COL6A5: variants seen among roughly 807,000 people sequenced by gnomAD.
The protein encoded by COL6A5 is collagen type VI alpha 5 chain, also known as collagen alpha-5(VI) chain.
In COL6A5, 48 loss-of-function variants were observed where a neutral mutation model predicts 65.6. The observed-to-expected ratio is 0.73, with a 90% CI of 0.58 to 0.93. The LOEUF is 0.93. COL6A5 is among the 40% of genes least tolerant of loss of function. The pLI is 0.00. For synonymous variants in COL6A5, 291 were observed against 322.8 expected (o/e 0.90, Z 1.05); for missense variants, 914 against 928.3 (o/e 0.98, Z 0.20).
chr3:130,409,517 G>C, intron 18 of COL6A5, 129 bp downstream of exon 18: 1 of 722,882 alleles, frequency 1.4e-6, no homozygotes, highest in Non-Finnish European at 2.2e-6. Context: ...GATAGGTGTT[G>C]GCTGAGGCTT....
chr3:130,476,870 C>T (rs1710112962), intron 7 of COL6A5: 1 of 684,508 alleles, frequency 1.5e-6, no homozygotes, highest in Admixed American at 2.0e-5. Flanking sequence ...GTCTTTAATT[C>T]TTTTTCTCAC....
At chr3:130,349,941 A>G (rs1488820878) in intron 1 of COL6A5, among the ~76,000 whole-genome samples, 2 of 152,172 alleles carry the variant, frequency 1.3e-5, no homozygotes, top group African/African-American at 2.4e-5. Context: ...AGATTGTCTT[A>G]TGGTCCCAAG....
At chr3:130,474,680 G>A (rs1194944634) in intron 7 of COL6A5, among the ~76,000 whole-genome samples, 5 of 152,144 alleles carry the variant, frequency 3.3e-5, no homozygotes, top group Non-Finnish European at 7.4e-5. Context: ...TTCACTGGAT[G>A]AGCTTAATAG....
intron 10 of COL6A5, among the ~76,000 whole-genome samples, chr3:130,398,928 T>C (rs1245843234): frequency 1.3e-5 from 2 of 152,210 alleles, no homozygotes. Flanking sequence ...TCTTTCAGAT[T>C]CCAGTTCTAG....
intron 5 of COL6A5, among the ~76,000 whole-genome samples, chr3:130,387,483 A>C (rs1407651846): frequency 6.6e-6 from 1 of 152,112 alleles, no homozygotes; most frequent in East Asian, 1.9e-4. Context: ...ACAGTGGTCA[A>C]GGCCACTCTG....
chr3:130,398,400 G>A (rs1022174744), intron 10 of COL6A5, among the ~76,000 whole-genome samples: 1 of 152,138 alleles, frequency 6.6e-6, no homozygotes, highest in Non-Finnish European at 1.5e-5. Context: ...AAAGTGCTGG[G>A]ATTGCAGGCG....
chr3:130,425,181 T>C (rs1044973504), intron 29 of COL6A5, among the ~76,000 whole-genome samples: 3 of 152,180 alleles, frequency 2.0e-5, no homozygotes, highest in Non-Finnish European at 4.4e-5. Flanking sequence ...TGATTCGAAT[T>C]AGAAGGTTAA....
intron 4 of COL6A5, among the ~76,000 whole-genome samples, chr3:130,382,226 A>G (rs752912014): frequency 1.3e-5 from 2 of 152,072 alleles, no homozygotes. Context: ...AAACAAACAA[A>G]CAAACAACAA....
intron 1 of COL6A5, among the ~76,000 whole-genome samples, chr3:130,359,309 T>A (rs1490649755): frequency 6.6e-6 from 1 of 152,086 alleles, no homozygotes; most frequent in Non-Finnish European, 1.5e-5. Context: ...GTTTAACAAC[T>A]TGCTACCTAA....
intron 1 of COL6A5, among the ~76,000 whole-genome samples, chr3:130,369,693 T>C (rs924952026): frequency 4.6e-5 from 7 of 152,202 alleles, no homozygotes; most frequent in African/African-American, 1.7e-4. Context: ...GATTATTCAT[T>C]AGTCTATTAT....
chr3:130,443,240 C>A (rs1210424318), intron 3 of COL6A5, among the ~76,000 whole-genome samples: 4 of 152,132 alleles, frequency 2.6e-5, no homozygotes, highest in African/African-American at 4.8e-5. Flanking sequence ...CTTAGATGAA[C>A]AATTTGAGGA....
intron 1 of COL6A5, among the ~76,000 whole-genome samples, chr3:130,438,011 T>G (rs1010720431): frequency 5.9e-5 from 9 of 152,158 alleles, no homozygotes; most frequent in Non-Finnish European, 1.0e-4. Context: ...TTTTGTTTTG[T>G]TTTTGTGAGA....
At chr3:130,388,343 T>TATGCATGCATGCATGCATGC (rs71620080) in intron 5 of COL6A5, among the ~76,000 whole-genome samples, 4 of 151,232 alleles carry the variant, frequency 2.6e-5, no homozygotes, top group East Asian at 2.0e-4. Context: ...ATAAATGAGT[T>TATGCATGCATGCATGCATGC]ATGCATGCAT....
Position 130,395,780 on chromosome 3 carries a change from G to A in COL6A5, c.3568+315G>A, listed in dbSNP as rs540028359. 5.3e-5 allele frequency among the ~76,000 whole-genome samples: 8 copies of A among 152,230 alleles called. 1 individual carries two copies. The highest frequency in any genetic ancestry group is 3.4e-3 in the Middle Eastern group (1 of 294). On this transcript the variant is annotated intron_variant and NMD_transcript_variant, in intron 8 of 41. Coordinates refer to the COL6A5 transcript ENST00000312481. ...ACCTGGATCTCTCTCTCCTATTTCT[G>A]TCCTCCTAGTAAATGCCCTGCATCC... is the stretch of plus-strand genomic sequence containing the variant.
chr3:130,465,833 T>C (rs557248157), intron 5 of COL6A5, among the ~76,000 whole-genome samples: 42 of 152,008 alleles, frequency 2.8e-4, no homozygotes, highest in African/African-American at 8.9e-4. Context: ...AAAAGTTAAG[T>C]GGAAACATGA....
At chr3:130,439,646 G>T (rs1003150167) in intron 2 of COL6A5, 31 bp downstream of exon 34, 5 of 1,465,518 alleles carry the variant, frequency 3.4e-6, no homozygotes, top group Middle Eastern at 1.7e-4. Flanking sequence ...TGACTGTGCT[G>T]AAGAGCTTAA....
At chr3:130,373,614 A>T in exon 2 of COL6A5, 1 of 1,415,348 alleles carries the variant, frequency 7.1e-7, no homozygotes, top group Non-Finnish European at 9.7e-7. Context: ...TTTGCAGAAC[A>T]AAAGTAAAAA....
At chr3:130,359,403 A>T (rs1480821207) in intron 1 of COL6A5, among the ~76,000 whole-genome samples, 7 of 151,958 alleles carry the variant, frequency 4.6e-5, no homozygotes, top group African/African-American at 1.4e-4. Context: ...TGTTTAATTT[A>T]AAAAAAATTA....
chr3:130,480,963 A>T (rs766896347), intron 7 of COL6A5, among the ~76,000 whole-genome samples: 41 of 152,104 alleles, frequency 2.7e-4, no homozygotes, highest in Non-Finnish European at 4.9e-4. Context: ...CTTAAGCCTG[A>T]TCCTTCAAGG....
Sources: allele counts gnomAD v4.1 joint callset (sites outside exome capture counted in the v4.1 genomes callset), GRCh38; gene constraint gnomAD v4.1.1; transcripts MANE v1.5; gene names NCBI Gene and HGNC (gene_info 2026-07-23, HGNC 2026-07-21).